KCNQ5: variants seen among roughly 807,000 people sequenced by gnomAD.
KCNQ5 encodes potassium voltage-gated channel subfamily Q member 5, also known as potassium voltage-gated channel subfamily KQT member 5.
In KCNQ5, 30 loss-of-function variants were observed where a neutral mutation model predicts 98.2. That is an observed-to-expected ratio of 0.31 (90% confidence interval 0.23 to 0.41). The LOEUF (loss-of-function observed/expected upper bound fraction) is 0.41. KCNQ5 is among the 10% of genes least tolerant of loss of function. KCNQ5 has a pLI of 1.00. For missense variants in KCNQ5, 835 were observed against 1,182.5 expected (o/e 0.71, Z 4.31); for synonymous variants, 458 against 449.4 (o/e 1.02, Z -0.24).
At position 72,622,432 on chromosome 6, in the gene KCNQ5, C is replaced by A; in HGVS notation, c.243C>A (p.Gly81=). 1 of 1,550,264 alleles carries A rather than the reference C, an allele frequency of 6.5e-7. No individual in the cohort carries two copies. Among genetic ancestry groups the A allele is most frequent in the Non-Finnish European group, 8.7e-7 (1 of 1,147,944 alleles). ...GTGGCCTGAGGGAGAGCCGCCGGGG[C>A]AAGCAGGGGGCCCGGATGAGCCTGC... The part of the protein sequence containing the change: ...GGGGLRESRR[G]KQGARMSLLG... The change falls in exon 1 of 14, where the codon GGC becomes GGA. Residue 81 remains glycine (G), a synonymous_variant. Transcript: ENST00000370398. The surrounding 1 kb of genome is among the most constrained non-coding windows in gnomAD (Gnocchi z 6.0).
At chr6:72,657,503 C>T (rs974378204) in intron 1 of KCNQ5, among the ~76,000 whole-genome samples, 1 of 152,060 alleles carries the variant, frequency 6.6e-6, no homozygotes, top group Non-Finnish European at 1.5e-5. Flanking sequence ...TTTCTCAGAC[C>T]GCAAGAGGTT....
rs566736437 is a variant in KCNQ5, at chr6:73,142,092, A to G, written c.1468+8451A>G. Among the ~76,000 whole-genome samples, 7 of 152,322 alleles carry G rather than the reference A, an allele frequency of 4.6e-5. 1 individual carries two copies. The highest frequency in any genetic ancestry group is 1.7e-4 in the African/African-American group (7 of 41,578). On this transcript the variant is annotated intron_variant, in intron 10 of 13. Transcript: ENST00000370398. ...CACACCCTAGGTTGCCTGAATGTCC[A>G]TATGACATGCAGCTGGCTTCCCCCA...
chr6:72,729,293 T>C (rs1770438105), intron 1 of KCNQ5, among the ~76,000 whole-genome samples: 1 of 152,088 alleles, frequency 6.6e-6, no homozygotes, highest in Non-Finnish European at 1.5e-5. Flanking sequence ...AGTCAAAGGG[T>C]TTAGGAGGTT....
intron 1 of KCNQ5, among the ~76,000 whole-genome samples, chr6:72,869,825 T>G (rs1391728557): frequency 6.6e-6 from 1 of 152,132 alleles, no homozygotes; most frequent in Non-Finnish European, 1.5e-5. Flanking sequence ...AAGCTGGACA[T>G]GGGGTGCACC....
chr6:73,148,310 T>C (rs959463538), intron 10 of KCNQ5, among the ~76,000 whole-genome samples: 1 of 152,242 alleles, frequency 6.6e-6, no homozygotes, highest in African/African-American at 2.4e-5. Flanking sequence ...ATAATTAATG[T>C]AATTTAAGAT....
intron 1 of KCNQ5, among the ~76,000 whole-genome samples, chr6:72,850,302 C>G (rs1470157098): frequency 6.6e-6 from 1 of 152,162 alleles, no homozygotes; most frequent in Non-Finnish European, 1.5e-5. Flanking sequence ...GTTTACTTAT[C>G]TGAGATGGCT....
intron 3 of KCNQ5, among the ~76,000 whole-genome samples, chr6:73,065,647 C>T (rs1219674937): frequency 4.6e-5 from 7 of 152,246 alleles, no homozygotes; most frequent in Non-Finnish European, 7.3e-5. Flanking sequence ...CCAAAGCTGT[C>T]GTGATCTGGC....
chr6:73,114,719 T>C (rs548902255), intron 7 of KCNQ5, among the ~76,000 whole-genome samples: 2 of 152,320 alleles, frequency 1.3e-5, no homozygotes, highest in Middle Eastern at 6.8e-3. Context: ...TCTGAATCCA[T>C]TACCCCTTTC....
At chr6:73,138,437 A>G (rs1387953099) in intron 10 of KCNQ5, among the ~76,000 whole-genome samples, 1 of 152,210 alleles carries the variant, frequency 6.6e-6, no homozygotes, top group African/African-American at 2.4e-5. Context: ...ATCAAAGAGT[A>G]CAATAACCTG....
At chr6:72,893,542 T>C (rs1379465074) in intron 1 of KCNQ5, among the ~76,000 whole-genome samples, 1 of 152,210 alleles carries the variant, frequency 6.6e-6, no homozygotes, top group Non-Finnish European at 1.5e-5. Context: ...CCAGGCACCA[T>C]GTTAAAATCT....
At chr6:73,100,576 G>A (rs1774729110) in intron 5 of KCNQ5, among the ~76,000 whole-genome samples, 1 of 151,916 alleles carries the variant, frequency 6.6e-6, no homozygotes, top group Admixed American at 6.6e-5. Context: ...AGCTGAGGCA[G>A]GAGAATGGCG....
At chr6:73,162,319 G>A (rs1443178619) in intron 10 of KCNQ5, among the ~76,000 whole-genome samples, 1 of 152,160 alleles carries the variant, frequency 6.6e-6, no homozygotes, top group Non-Finnish European at 1.5e-5. Context: ...GCTTGGGGAA[G>A]ATAAACAGTT....
At chr6:72,636,590 C>A (rs189939990) in intron 1 of KCNQ5, among the ~76,000 whole-genome samples, 8 of 152,248 alleles carry the variant, frequency 5.3e-5, no homozygotes, top group East Asian at 1.9e-4. Flanking sequence ...AATTTAGATT[C>A]TTCTCCCCGT....
chr6:73,011,699 GA>G (rs1396113924), intron 2 of KCNQ5, among the ~76,000 whole-genome samples: 2 of 152,006 alleles, frequency 1.3e-5, no homozygotes, highest in African/African-American at 2.4e-5. Context: ...CAGAATGAGA[GA>G]AAATATCTGC....
At position 72,962,202 on chromosome 6, in the gene KCNQ5, CATATATATATATAT is replaced by C. The variant is rs202160601; in HGVS notation, c.399-41704_399-41691del. ...CTCTAAATATATATATATATATATA[CATATATATATATAT>C]ACACACATATATATATATATACACA... On this transcript the variant is annotated intron_variant, in intron 1 of 13. Transcript: ENST00000370398. Among the ~76,000 whole-genome samples the C allele has an allele frequency of 1.2e-3, 67 of 56,550 alleles. 1 individual carries two copies. Among genetic ancestry groups the C allele is most frequent in the Admixed American group, 3.8e-3 (21 of 5,514 alleles). 37.1% of individuals were successfully genotyped at this position (56,550 alleles called of 152,430 possible).
chr6:73,036,115 G>A (rs1310775649), intron 2 of KCNQ5, among the ~76,000 whole-genome samples: 5 of 151,432 alleles, frequency 3.3e-5, no homozygotes, highest in South Asian at 2.1e-4. Flanking sequence ...GGCCGGGCAC[G>A]GTGGCTCACT....
chr6:72,981,417 T>C (rs1251320302), intron 1 of KCNQ5, among the ~76,000 whole-genome samples: 1 of 152,234 alleles, frequency 6.6e-6, no homozygotes, highest in Non-Finnish European at 1.5e-5. Flanking sequence ...ATTTATCTAT[T>C]TCTTCTAGAT....
chr6:72,739,783 T>G (rs528127493), intron 1 of KCNQ5, among the ~76,000 whole-genome samples: 10 of 152,320 alleles, frequency 6.6e-5, no homozygotes, highest in Non-Finnish European at 1.2e-4. Flanking sequence ...TCCCAGGACC[T>G]GAAGTCTTTC....
intron 2 of KCNQ5, among the ~76,000 whole-genome samples, chr6:73,014,907 C>T (rs893643979): frequency 6.6e-6 from 1 of 151,682 alleles, no homozygotes; most frequent in Non-Finnish European, 1.5e-5. Context: ...CCAGTATTAA[C>T]GGGGGAGGGA....
Sources: gnomAD v4.1 joint callset for allele counts (sites outside exome capture counted in the v4.1 genomes callset) on GRCh38, gnomAD v4.1.1 for gene constraint, Gnocchi (gnomAD v3.1) non-coding constraint, MANE v1.5 for transcripts, NCBI Gene and HGNC (gene_info 2026-07-23, HGNC 2026-07-21) for gene names.